The following PTPRJ variants were observed in gnomAD, a reference collection of about 807,000 sequenced individuals.
PTPRJ encodes the protein protein tyrosine phosphatase receptor type J.
PTPRJ carries 129 observed loss-of-function variants against 141.3 expected under a neutral mutation model. That is an observed-to-expected ratio of 0.91 (90% CI 0.79 to 1.06). The LOEUF (loss-of-function observed/expected upper bound fraction) is 1.06, where lower values mean the gene tolerates loss of function less well. PTPRJ is among the 50% of genes least tolerant of loss of function. The pLI is 0.00. For synonymous variants in PTPRJ, 610 were observed against 640.5 expected, an observed-to-expected ratio of 0.95 and a Z score of 0.72; for missense variants, 1,601 against 1,679.7, an observed-to-expected ratio of 0.95 and a Z score of 0.82.
intron 2 of PTPRJ, among the ~76,000 whole-genome samples, chr11:48,110,587 A>G (rs1233746745): frequency 6.6e-6 from 1 of 152,220 alleles, no homozygotes; most frequent in Non-Finnish European, 1.5e-5. Flanking sequence ...ATGAAAATTT[A>G]TATTTTCTGT....
intron 1 of PTPRJ, among the ~76,000 whole-genome samples, chr11:48,036,236 C>T (rs1281774990): frequency 6.6e-6 from 1 of 152,248 alleles, no homozygotes; most frequent in Non-Finnish European, 1.5e-5. Flanking sequence ...GAGTCTATCT[C>T]TGTTCTGCCC....
chr11:48,119,123 C>T (rs966392678), intron 3 of PTPRJ, among the ~76,000 whole-genome samples: 5 of 151,674 alleles, frequency 3.3e-5, no homozygotes, highest in South Asian at 2.1e-4. Flanking sequence ...GGGACATGGA[C>T]GGCCTCTCAA....
chr11:48,005,207 G>A (rs1854591437), intron 1 of PTPRJ, among the ~76,000 whole-genome samples: 1 of 151,550 alleles, frequency 6.6e-6, no homozygotes, highest in Admixed American at 6.6e-5. Context: ...GGACGACAGA[G>A]TGAGACTCTA....
chr11:48,120,816 A>G (rs756047672), intron 3 of PTPRJ, among the ~76,000 whole-genome samples, 187 bp from the exon 4 acceptor site: 4 of 152,138 alleles, frequency 2.6e-5, no homozygotes, highest in Admixed American at 6.5e-5. Flanking sequence ...CTGTTTTACT[A>G]ACATACACAC....
intron 1 of PTPRJ, among the ~76,000 whole-genome samples, chr11:48,059,110 C>CTTT (rs917350262): frequency 7.8e-5 from 8 of 102,160 alleles, no homozygotes; most frequent in Non-Finnish European, 1.3e-4. Flanking sequence ...TGTGCTGTGC[C>CTTT]TTTTTTTTTT....
intron 8 of PTPRJ, among the ~76,000 whole-genome samples, chr11:48,134,102 TTATGG>T (rs1857035071): frequency 6.6e-6 from 1 of 152,196 alleles, no homozygotes; most frequent in Non-Finnish European, 1.5e-5. Flanking sequence ...ATGATAAATA[TTATGG>T]TATGTATGTT....
At chr11:48,161,044 G>T (rs1857759039) in intron 22 of PTPRJ, among the ~76,000 whole-genome samples, 1 of 151,898 alleles carries the variant, frequency 6.6e-6, no homozygotes, top group Non-Finnish European at 1.5e-5. Context: ...CAGGCATGCT[G>T]GTATACACCT....
At chr11:48,126,578 C>T (rs1005418666) in intron 6 of PTPRJ, among the ~76,000 whole-genome samples, 1 of 151,994 alleles carries the variant, frequency 6.6e-6, no homozygotes, top group Non-Finnish European at 1.5e-5. Context: ...TGCAGACTCC[C>T]TGGGTCTTCA....
At chr11:47,994,584 G>A (rs1400430177) in intron 1 of PTPRJ, among the ~76,000 whole-genome samples, 1 of 152,036 alleles carries the variant, frequency 6.6e-6, no homozygotes, top group Non-Finnish European at 1.5e-5. Context: ...GGAGGTGGAG[G>A]TTGCTTGAGT....
At chr11:48,093,463 G>A (rs1025693997) in intron 1 of PTPRJ, among the ~76,000 whole-genome samples, 2 of 152,068 alleles carry the variant, frequency 1.3e-5, no homozygotes, top group African/African-American at 2.4e-5. Flanking sequence ...TTGTTTTTAT[G>A]ACATCTTCAG....
At chr11:48,056,942 G>A (rs151235125) in intron 1 of PTPRJ, among the ~76,000 whole-genome samples, 3 of 152,270 alleles carry the variant, frequency 2.0e-5, no homozygotes, top group East Asian at 3.9e-4. Context: ...CGACAAGAGC[G>A]AAACTCTGTC....
At chr11:48,008,928 G>A (rs1854698509) in intron 1 of PTPRJ, among the ~76,000 whole-genome samples, 1 of 152,166 alleles carries the variant, frequency 6.6e-6, no homozygotes, top group South Asian at 2.1e-4. Context: ...ATGAATTATT[G>A]TTAGCAAAAC....
At chr11:48,163,209 G>A (rs2270991) in intron 22 of PTPRJ, among the ~76,000 whole-genome samples, 18,280 of 152,038 alleles carry the variant, frequency 0.12, 1,228 homozygotes, top group African/African-American at 0.16. Flanking sequence ...ATCAGTGTTG[G>A]GGAAATGACT....
intron 1 of PTPRJ, among the ~76,000 whole-genome samples, chr11:48,092,728 C>A (rs1247268702): frequency 3.9e-5 from 6 of 152,178 alleles, no homozygotes; most frequent in African/African-American, 1.4e-4. Flanking sequence ...CTGCGCCGGG[C>A]TTGAGTTTGA....
intron 1 of PTPRJ, among the ~76,000 whole-genome samples, chr11:48,073,469 G>C (rs1488360197): frequency 1.3e-5 from 2 of 152,212 alleles, no homozygotes; most frequent in Admixed American, 1.3e-4. Context: ...AGAGATAACT[G>C]TAAGTGCTTA....
intron 1 of PTPRJ, among the ~76,000 whole-genome samples, chr11:48,071,967 A>G (rs1590466815): frequency 1.6e-5 from 2 of 126,444 alleles, no homozygotes; most frequent in East Asian, 2.5e-4. Context: ...GTGCAGTGGC[A>G]TGATCTTGGC....
rs1465342675 is a variant in PTPRJ, at chr11:48,136,082, C to T, written c.1659C>T (p.Thr553=). 6.2e-7 allele frequency: 1 copy of T among 1,614,038 alleles called. No individual in the cohort carries two copies. The highest frequency in any genetic ancestry group is 8.5e-7 in the Non-Finnish European group (1 of 1,180,024). Residue 553 remains threonine, a synonymous_variant, in exon 9 of 25, where the codon ACC becomes ACT. Transcript: ENST00000418331. The part of the protein sequence containing the change: ...VFDIHVVYVT[T]TEMWLDWKSP... ...ACATCCACGTGGTCTACGTCACCAC[C>T]ACGGAGATGTGGCTGGACTGGAAGA...
intron 2 of PTPRJ, among the ~76,000 whole-genome samples, chr11:48,112,466 C>G (rs1010940625): frequency 1.3e-5 from 2 of 152,188 alleles, no homozygotes; most frequent in Admixed American, 1.3e-4. Context: ...TGCCTGAGCT[C>G]TTGGCCATAG....
chr11:47,985,135 G>A (rs1253061440), intron 1 of PTPRJ, among the ~76,000 whole-genome samples: 2 of 149,752 alleles, frequency 1.3e-5, no homozygotes, highest in Non-Finnish European at 1.5e-5. Flanking sequence ...ACAGGCGTGA[G>A]CCACCGTGCC....
Sources: allele counts gnomAD v4.1 joint callset (sites outside exome capture counted in the v4.1 genomes callset), GRCh38; gene constraint gnomAD v4.1.1; transcripts MANE v1.5; gene names NCBI Gene and HGNC (gene_info 2026-07-23, HGNC 2026-07-21).